Variants in PRKCH observed in about 807,000 individuals in gnomAD.
PRKCH encodes the protein protein kinase C eta type.
A neutral mutation model predicts 82.5 loss-of-function variants in PRKCH; 28 were observed. The observed-to-expected ratio is 0.34, with a 90% CI of 0.25 to 0.47. PRKCH has a LOEUF of 0.47. Ranked by LOEUF, PRKCH falls within the 20% of genes least tolerant of loss-of-function variation. PRKCH has a pLI of 1.00. For missense variants in PRKCH, 705 were observed against 881.8 expected (o/e 0.80, Z 2.54); for synonymous variants, 322 against 327.4 (o/e 0.98, Z 0.18).
chr14:61,416,053 C>CTTTTTTTTTTTTTTTTTTTTTTTTT (rs71117815), intron 2 of PRKCH, among the ~76,000 whole-genome samples: 21 of 94,160 alleles, frequency 2.2e-4, no homozygotes, highest in African/African-American at 3.0e-4. Context: ...CTTTTCTTTT[C>CTTTTTTTTTTTTTTTTTTTTTTTTT]TTTTTTTTTT....
intron 1 of PRKCH, among the ~76,000 whole-genome samples, chr14:61,286,605 C>T (rs768228496): frequency 4.6e-5 from 7 of 151,812 alleles, no homozygotes; most frequent in East Asian, 2.0e-4. Context: ...GGAGAAACTC[C>T]GTCTCTACTA....
intron 2 of PRKCH, among the ~76,000 whole-genome samples, chr14:61,412,698 A>T (rs1412592999): frequency 6.6e-6 from 1 of 152,162 alleles, no homozygotes; most frequent in Non-Finnish European, 1.5e-5. Context: ...GCAAAAACGG[A>T]AGCATTCTTC....
chr14:61,223,450 G>A (rs1178392766), intron 1 of PRKCH, among the ~76,000 whole-genome samples: 1 of 152,164 alleles, frequency 6.6e-6, no homozygotes, highest in Admixed American at 6.5e-5. Context: ...CCATAGCTGA[G>A]ATGAGCCCAG....
intron 1 of PRKCH, among the ~76,000 whole-genome samples, chr14:61,254,305 A>G (rs539423606): frequency 2.8e-4 from 43 of 152,144 alleles, no homozygotes; most frequent in Non-Finnish European, 4.6e-4. Flanking sequence ...TAAAAGACAG[A>G]AAAAGTCGTG....
intron 2 of PRKCH, among the ~76,000 whole-genome samples, chr14:61,419,520 C>T (rs1594685160): frequency 6.6e-6 from 1 of 152,226 alleles, no homozygotes; most frequent in South Asian, 2.1e-4. Flanking sequence ...TGTCTCCAGA[C>T]ATTGCAAAAT....
chr14:61,303,355 C>A (rs2045462035), intron 1 of PRKCH: 1 of 152,060 alleles, frequency 6.6e-6, no homozygotes, highest in African/African-American at 2.4e-5. Flanking sequence ...TATCTTGCTT[C>A]TTATACTTGA....
At chr14:61,236,522 AG>A (rs2044789099) in intron 1 of PRKCH, among the ~76,000 whole-genome samples, 1 of 151,982 alleles carries the variant, frequency 6.6e-6, no homozygotes, top group African/African-American at 2.4e-5. Flanking sequence ...AGCCTGGCCA[AG>A]ATGGTGAAAC....
intron 5 of PRKCH, 134 bp downstream of exon 5, chr14:61,449,386 C>T: frequency 4.3e-6 from 3 of 690,976 alleles, no homozygotes; most frequent in East Asian, 2.8e-5. Flanking sequence ...TGCTTTCCTC[C>T]CCCTGCCACC....
chr14:61,253,549 G>A (rs1291549684), intron 1 of PRKCH, among the ~76,000 whole-genome samples: 3 of 152,340 alleles, frequency 2.0e-5, no homozygotes, highest in Non-Finnish European at 4.4e-5. Flanking sequence ...CTTTTGAAAA[G>A]AGGAAGTTCC....
intron 2 of PRKCH, among the ~76,000 whole-genome samples, chr14:61,413,416 C>G (rs576352429): frequency 0.012 from 1,235 of 106,720 alleles, 41 homozygotes; most frequent in African/African-American, 0.039. Context: ...CCCCCCCCGC[C>G]CCGCCCATGT....
chr14:61,369,363 G>A (rs1657715211), intron 1 of PRKCH, among the ~76,000 whole-genome samples: 1 of 152,102 alleles, frequency 6.6e-6, no homozygotes, highest in African/African-American at 2.4e-5. Flanking sequence ...CATTTCTTTA[G>A]ACCTAAGGGC....
intron 1 of PRKCH, among the ~76,000 whole-genome samples, chr14:61,380,374 G>C (rs1201171374): frequency 1.3e-5 from 2 of 152,118 alleles, no homozygotes; most frequent in African/African-American, 4.8e-5. Context: ...TTTCAGGTGT[G>C]AGCCACTGCA....
rs958764856 is a variant in PRKCH, at chr14:61,191,754, T to A, written c.-19+4086T>A. The stretch of plus-strand genomic sequence containing the variant: ...TCTGAATTGCCTGGCTTGTATTGTT[T>A]AGAGCCTTTGGCTTTGATGGCTTTG... On this transcript the variant is annotated intron_variant, in intron 1 of 3. Transcript: ENST00000555185. Among the ~76,000 whole-genome samples the A allele has an allele frequency of 2.0e-5, 3 of 152,252 alleles. No individual in the cohort carries two copies. The East Asian group carries it at 5.8e-4, about 29-fold the overall frequency.
At chr14:61,470,306 G>C (rs940578755) in intron 9 of PRKCH, among the ~76,000 whole-genome samples, 5 of 151,798 alleles carry the variant, frequency 3.3e-5, no homozygotes, top group African/African-American at 1.2e-4. Flanking sequence ...GCCCCAGTAG[G>C]CTGCATTTGC....
intron 1 of PRKCH, among the ~76,000 whole-genome samples, chr14:61,369,677 G>A (rs2046340989): frequency 6.6e-6 from 1 of 151,934 alleles, no homozygotes; most frequent in Non-Finnish European, 1.5e-5. Flanking sequence ...TCTTTTCTTG[G>A]ACATTTGTCT....
In PRKCH at chr14:61,380,298, C is replaced by A. The variant is rs1467745946; in HGVS notation, c.364-10927C>A. On this transcript the variant is annotated intron_variant, in intron 1 of 13. Coordinates refer to ENST00000332981, the MANE Select transcript of PRKCH (RefSeq NM_006255.5). ...TCTTGAACTCCTGGACTCAAGTGATCCTCCTGCCTTGGCCTCCCAAAGTGT... is the reference window on the plus strand; with the variant it reads ...TCTTGAACTCCTGGACTCAAGTGATACTCCTGCCTTGGCCTCCCAAAGTGT... Among the ~76,000 whole-genome samples the A allele has an allele frequency of 2.0e-5, 3 of 149,368 alleles. No individual in the cohort carries two copies. In the East Asian group the frequency reaches 6.0e-4, roughly 30 times the overall value.
At chr14:61,364,551 T>G (rs532330591) in intron 1 of PRKCH, among the ~76,000 whole-genome samples, 2 of 151,982 alleles carry the variant, frequency 1.3e-5, no homozygotes, top group East Asian at 3.9e-4. Context: ...AGAATAGGAA[T>G]GGCCAGGTGT....
intron 1 of PRKCH, among the ~76,000 whole-genome samples, chr14:61,366,830 A>C (rs913129990): frequency 2.0e-5 from 3 of 151,932 alleles, no homozygotes; most frequent in Admixed American, 6.5e-5. Flanking sequence ...GGGGGCTCTT[A>C]TTATAATGGT....
intron 12 of PRKCH, among the ~76,000 whole-genome samples, chr14:61,531,920 A>G (rs1304483874): frequency 6.6e-6 from 1 of 152,246 alleles, no homozygotes; most frequent in Non-Finnish European, 1.5e-5. Context: ...GATTTGTGCC[A>G]TGAAGTTTCT....
Sources: gnomAD v4.1 joint callset for allele counts (sites outside exome capture counted in the v4.1 genomes callset) on GRCh38, gnomAD v4.1.1 for gene constraint, MANE v1.5 for transcripts, NCBI Gene and HGNC (gene_info 2026-07-23, HGNC 2026-07-21) for gene names.